The following NALCN variants were observed in gnomAD, a reference collection of about 807,000 sequenced individuals.
The protein encoded by NALCN is sodium leak channel, non-selective.
NALCN carries 111 observed loss-of-function variants against 225.3 expected under a neutral mutation model. The ratio of observed to expected loss-of-function variants is 0.49; its 90% CI spans 0.42 to 0.58. NALCN has a LOEUF of 0.58. NALCN is among the 20% of genes least tolerant of loss of function. The pLI, the probability that NALCN is intolerant of heterozygous loss-of-function variation, is 0.00. For synonymous variants in NALCN, 764 were observed against 769.0 expected (o/e 0.99, Z 0.11); for missense variants, 1,378 against 2,202.4 (o/e 0.63, Z 7.49).
chr13:101,361,094 T>A (rs1248232132), intron 6 of NALCN, among the ~76,000 whole-genome samples: 1 of 152,200 alleles, frequency 6.6e-6, no homozygotes, highest in Non-Finnish European at 1.5e-5. Flanking sequence ...GGAATCAGTA[T>A]TTTTTACAAC....
intron 7 of NALCN, among the ~76,000 whole-genome samples, chr13:101,319,089 A>G (rs1366972052): frequency 6.6e-6 from 1 of 152,230 alleles, no homozygotes; most frequent in East Asian, 1.9e-4. Context: ...CAAGGGGCAC[A>G]TGAATGAGAA....
At chr13:101,064,195 C>A (rs1239031335) in intron 40 of NALCN, among the ~76,000 whole-genome samples, 2 of 152,138 alleles carry the variant, frequency 1.3e-5, no homozygotes, top group Non-Finnish European at 2.9e-5. Flanking sequence ...CTCCTGGTAA[C>A]AAAGACATGG....
chr13:101,385,713 T>C (rs1415143016), intron 3 of NALCN, among the ~76,000 whole-genome samples: 1 of 152,186 alleles, frequency 6.6e-6, no homozygotes, highest in Non-Finnish European at 1.5e-5. Flanking sequence ...TGCATTGATA[T>C]CTTCCTCTGT....
At chr13:101,284,889 C>G (rs1594602401) in intron 9 of NALCN, among the ~76,000 whole-genome samples, 2 of 152,140 alleles carry the variant, frequency 1.3e-5, no homozygotes, top group Admixed American at 6.5e-5. Flanking sequence ...TATTTTCCCA[C>G]TAACATATTT....
intron 7 of NALCN, among the ~76,000 whole-genome samples, chr13:101,335,820 G>T (rs181703594): frequency 1.1e-4 from 16 of 151,576 alleles, no homozygotes; most frequent in Admixed American, 3.3e-4. Flanking sequence ...AATAAATCAT[G>T]GTTGTAGATA....
At chr13:101,256,772 T>TC (rs1220306056) in intron 11 of NALCN, among the ~76,000 whole-genome samples, 7 of 150,586 alleles carry the variant, frequency 4.6e-5, no homozygotes, top group Non-Finnish European at 1.0e-4. Context: ...CTGCTTTTTT[T>TC]TTTTTTTTTG....
chr13:101,234,809 ACTAT>A (rs1017556979), intron 12 of NALCN, among the ~76,000 whole-genome samples: 1 of 151,562 alleles, frequency 6.6e-6, no homozygotes, highest in Non-Finnish European at 1.5e-5. Flanking sequence ...CTGTGATTTG[ACTAT>A]CTATCTACTA....
chr13:101,266,401 A>G (rs1309342805), intron 10 of NALCN, among the ~76,000 whole-genome samples: 1 of 152,206 alleles, frequency 6.6e-6, no homozygotes, highest in East Asian at 1.9e-4. Flanking sequence ...ACTTCATAAA[A>G]GCTCTTTCTA....
intron 6 of NALCN, among the ~76,000 whole-genome samples, chr13:101,361,426 G>A (rs187763951): frequency 3.3e-5 from 5 of 152,116 alleles, no homozygotes; most frequent in Non-Finnish European, 5.9e-5. Flanking sequence ...TTACTCATGC[G>A]TCCCACTGAG....
At chr13:101,370,321 T>C (rs565852339) in intron 6 of NALCN, among the ~76,000 whole-genome samples, 14 of 152,246 alleles carry the variant, frequency 9.2e-5, no homozygotes, top group Admixed American at 2.6e-4. Context: ...GCATTTAGGC[T>C]CACAATACAA....
At chr13:101,354,423 T>G (rs1196719904) in intron 6 of NALCN, among the ~76,000 whole-genome samples, 1 of 152,108 alleles carries the variant, frequency 6.6e-6, no homozygotes, top group Non-Finnish European at 1.5e-5. Context: ...TGAAACCGTT[T>G]GAGGTTATAA....
intron 37 of NALCN, 118 bp downstream of exon 37, chr13:101,073,466 G>T: frequency 1.3e-6 from 1 of 778,162 alleles, no homozygotes; most frequent in Non-Finnish European, 2.0e-6. Flanking sequence ...GAAGTGTCAG[G>T]ATTTATATTT....
chr13:101,373,826 A>G (rs1248774987), intron 6 of NALCN, among the ~76,000 whole-genome samples: 1 of 152,194 alleles, frequency 6.6e-6, no homozygotes, highest in African/African-American at 2.4e-5. Context: ...GAGAAGGATC[A>G]TAATTTTCAG....
intron 10 of NALCN, among the ~76,000 whole-genome samples, chr13:101,279,395 C>T (rs2043071707): frequency 6.6e-6 from 1 of 152,194 alleles, no homozygotes; most frequent in Non-Finnish European, 1.5e-5. Flanking sequence ...CAACATTAAC[C>T]TCCAAGTTAC....
At chr13:101,300,666 G>A (rs2043932496) in intron 7 of NALCN, among the ~76,000 whole-genome samples, 1 of 152,262 alleles carries the variant, frequency 6.6e-6, no homozygotes, top group South Asian at 2.1e-4. Context: ...CTGTAACATT[G>A]TGCCTGTAAT....
chr13:101,245,890 T>A (rs2041881122), intron 11 of NALCN, among the ~76,000 whole-genome samples: 1 of 152,172 alleles, frequency 6.6e-6, no homozygotes, highest in African/African-American at 2.4e-5. Context: ...GGAATGTAAC[T>A]TCGTAACTTC....
chr13:101,135,864 G>T (rs1025269928), intron 17 of NALCN, among the ~76,000 whole-genome samples: 1 of 152,148 alleles, frequency 6.6e-6, no homozygotes, highest in African/African-American at 2.4e-5. Context: ...TTCCAAGATA[G>T]ATTTAGCAGC....
chr13:101,222,458 G>C (rs1348368879), intron 13 of NALCN, among the ~76,000 whole-genome samples: 2 of 152,022 alleles, frequency 1.3e-5, no homozygotes, highest in Non-Finnish European at 2.9e-5. Context: ...TGATCTAATT[G>C]AAAGTTCTCC....
Position 101,406,712 on chromosome 13 carries a change from C to G in NALCN, c.-39-7547G>C, listed in dbSNP as rs192681853. ...CTCTCATTAAATCTATCTAAATAAC[C>G]CTTTCAAGTTTCTGAAGGTATTATC... On this transcript the variant is annotated intron_variant, in intron 1 of 43. Coordinates refer to ENST00000251127, the MANE Select transcript of NALCN (RefSeq NM_052867.4). Among the ~76,000 whole-genome samples the G allele has an allele frequency of 2.1e-3, 320 of 152,244 alleles. 2 individuals are homozygous for G. The highest frequency in any genetic ancestry group is 7.1e-3 in the African/African-American group (294 of 41,550).
Sources: gnomAD v4.1 joint callset for allele counts (sites outside exome capture counted in the v4.1 genomes callset) on GRCh38, gnomAD v4.1.1 for gene constraint, MANE v1.5 for transcripts, NCBI Gene and HGNC (gene_info 2026-07-23, HGNC 2026-07-21) for gene names.